The following ZNF804A variants were observed in gnomAD, a reference collection of about 807,000 sequenced individuals.
ZNF804A encodes zinc finger protein 804A.
ZNF804A carries 2 observed loss-of-function variants against 16.5 expected under a neutral mutation model. The observed-to-expected ratio is 0.12, with a 90% CI of 0.05 to 0.38. The LOEUF is 0.38. Ranked by LOEUF, ZNF804A falls within the 10% of genes least tolerant of loss-of-function variation. The pLI is 0.99. For missense variants in ZNF804A, 1,473 were observed against 1,390.7 expected (o/e 1.06, Z -0.94); for synonymous variants, 534 against 489.6 (o/e 1.09, Z -1.20).
chr2:184,652,333 TACTATGTTC>T (rs1691999663), intron 1 of ZNF804A, among the ~76,000 whole-genome samples: 1 of 152,134 alleles, frequency 6.6e-6, no homozygotes, highest in African/African-American at 2.4e-5. Flanking sequence ...ACCTATTGGG[TACTATGTTC>T]AGTACCTGCA....
intron 1 of ZNF804A, among the ~76,000 whole-genome samples, chr2:184,816,023 G>A (rs1357775476): frequency 6.6e-6 from 1 of 151,966 alleles, no homozygotes; most frequent in Non-Finnish European, 1.5e-5. Flanking sequence ...GCTGTCATTT[G>A]ACAAATGCAT....
chr2:184,738,226 C>A (rs1574188515), intron 1 of ZNF804A, among the ~76,000 whole-genome samples: 2 of 150,724 alleles, frequency 1.3e-5, no homozygotes. Flanking sequence ...AGTGGCAAGG[C>A]AAGCTGAAAA....
chr2:184,663,112 G>C (rs569114753), intron 1 of ZNF804A, among the ~76,000 whole-genome samples: 1 of 152,312 alleles, frequency 6.6e-6, no homozygotes, highest in South Asian at 2.1e-4. Flanking sequence ...CCTGGCAGGA[G>C]TCAGGAACAG....
intron 1 of ZNF804A, among the ~76,000 whole-genome samples, chr2:184,713,409 C>T (rs1233332866): frequency 2.7e-4 from 41 of 151,824 alleles, no homozygotes; most frequent in Admixed American, 2.6e-3. Context: ...ATAAAATTAT[C>T]CAAACCACGG....
At chr2:184,827,567 A>C (rs1253240573) in intron 1 of ZNF804A, among the ~76,000 whole-genome samples, 1 of 149,922 alleles carries the variant, frequency 6.7e-6, no homozygotes, top group African/African-American at 2.4e-5. Flanking sequence ...AAATATACCC[A>C]TGCTCCTTTG....
rs369677408 is a variant in ZNF804A at position 184,716,825 on chromosome 2, A to G, written c.111+117755A>G. 1.4e-4 allele frequency among the ~76,000 whole-genome samples: 21 copies of G among 152,328 alleles called. No individual in the cohort carries two copies. In the East Asian group the frequency reaches 3.7e-3, roughly 27 times the overall value. On this transcript the variant is annotated intron_variant, in intron 1 of 3. Transcript: ENST00000302277. ...CAACTGAGTTTGTGAACATGAATGT[A>G]AAAATATTCAAGATTATAACTAGTG...
intron 1 of ZNF804A, among the ~76,000 whole-genome samples, chr2:184,610,368 A>G (rs1691216277): frequency 6.6e-6 from 1 of 152,234 alleles, no homozygotes; most frequent in Non-Finnish European, 1.5e-5. Flanking sequence ...AATACTTTAG[A>G]AAAAGTCTGA....
intron 1 of ZNF804A, among the ~76,000 whole-genome samples, chr2:184,676,080 C>T (rs1170825383): frequency 1.3e-5 from 2 of 151,564 alleles, no homozygotes; most frequent in Non-Finnish European, 3.0e-5. Context: ...TGAAAGTAAC[C>T]AAATCATGTT....
chr2:184,643,264 G>T (rs538556742), intron 1 of ZNF804A, among the ~76,000 whole-genome samples: 5 of 151,970 alleles, frequency 3.3e-5, no homozygotes, highest in African/African-American at 1.2e-4. Context: ...ATAGTGAAAG[G>T]TTCTTATTTT....
chr2:184,898,544 A>G (rs1394694765), intron 2 of ZNF804A, among the ~76,000 whole-genome samples: 2 of 152,126 alleles, frequency 1.3e-5, no homozygotes, highest in Non-Finnish European at 2.9e-5. Flanking sequence ...CAAATTGTTT[A>G]CAAAGTATAA....
At chr2:184,888,963 A>G (rs1423160575) in intron 2 of ZNF804A, among the ~76,000 whole-genome samples, 1 of 149,772 alleles carries the variant, frequency 6.7e-6, no homozygotes, top group Non-Finnish European at 1.5e-5. Context: ...TTGTGATCTG[A>G]AAAAAAAACG....
At chr2:184,896,943 A>T (rs1685078930) in intron 2 of ZNF804A, among the ~76,000 whole-genome samples, 1 of 152,104 alleles carries the variant, frequency 6.6e-6, no homozygotes, top group African/African-American at 2.4e-5. Context: ...GGATATGATT[A>T]TTAATCTCAC....
intron 2 of ZNF804A, among the ~76,000 whole-genome samples, chr2:184,930,269 G>A (rs954225644): frequency 6.6e-6 from 1 of 152,038 alleles, no homozygotes; most frequent in African/African-American, 2.4e-5. Flanking sequence ...TTTATGAAAA[G>A]CAATTAATAA....
intron 2 of ZNF804A, among the ~76,000 whole-genome samples, chr2:184,914,546 A>G (rs1234579261): frequency 6.6e-6 from 1 of 152,198 alleles, no homozygotes; most frequent in Non-Finnish European, 1.5e-5. Context: ...AAATTTCCTA[A>G]TAACAGAAAT....
At chr2:184,826,569 A>G (rs1695171705) in intron 1 of ZNF804A, among the ~76,000 whole-genome samples, 1 of 152,114 alleles carries the variant, frequency 6.6e-6, no homozygotes, top group Non-Finnish European at 1.5e-5. Flanking sequence ...AACACAAACA[A>G]AAAGGGACAT....
At chr2:184,618,295 G>T (rs1691359439) in intron 1 of ZNF804A, among the ~76,000 whole-genome samples, 1 of 151,826 alleles carries the variant, frequency 6.6e-6, no homozygotes, top group Non-Finnish European at 1.5e-5. Flanking sequence ...TGGCATTATT[G>T]CCTATTTATT....
chr2:184,696,817 G>T (rs1328869943), intron 1 of ZNF804A, among the ~76,000 whole-genome samples: 1 of 151,770 alleles, frequency 6.6e-6, no homozygotes, highest in Non-Finnish European at 1.5e-5. Flanking sequence ...GTAATCAAAT[G>T]GGTTATATAA....
intron 2 of ZNF804A, among the ~76,000 whole-genome samples, chr2:184,867,002 T>C (rs16826229): frequency 0.01 from 1,539 of 151,760 alleles, 24 homozygotes; most frequent in African/African-American, 0.036. Context: ...AAAGATTGAG[T>C]GTACTACAAA....
intron 1 of ZNF804A, among the ~76,000 whole-genome samples, chr2:184,617,043 C>T (rs1691332998): frequency 6.6e-6 from 1 of 151,802 alleles, no homozygotes; most frequent in Non-Finnish European, 1.5e-5. Flanking sequence ...CCATCACTTA[C>T]AATAAATCTT....
Sources: gnomAD v4.1 joint callset for allele counts (sites outside exome capture counted in the v4.1 genomes callset) on GRCh38, gnomAD v4.1.1 for gene constraint, MANE v1.5 for transcripts, NCBI Gene and HGNC (gene_info 2026-07-23, HGNC 2026-07-21) for gene names.